Variants in MAGT1 observed in about 807,000 individuals in gnomAD.
MAGT1 encodes dolichyl-diphosphooligosaccharide--protein glycosyltransferase subunit MAGT1.
MAGT1 carries 4 observed loss-of-function variants against 28.4 expected under a neutral mutation model. The observed-to-expected ratio is 0.14, with a 90% CI of 0.07 to 0.32. MAGT1 has a LOEUF of 0.32. Ranked by LOEUF, MAGT1 falls within the 10% of genes least tolerant of loss-of-function variation. The pLI, the probability that MAGT1 is intolerant of heterozygous loss-of-function variation, is 1.00. For synonymous variants in MAGT1, 89 were observed against 89.7 expected (o/e 0.99, Z 0.04); for missense variants, 193 against 264.5 (o/e 0.73, Z 1.88).
rs899777986 is a variant in MAGT1, at chrX:77,828,336, C to G, written c.*884G>C. Reference sequence around the variant, plus strand: ...ATCCTCGCACTTTGGGAGACTGAGGCGGGCGGATCACTTGAGCCCAGGAGT... The same window carrying G: ...ATCCTCGCACTTTGGGAGACTGAGGGGGGCGGATCACTTGAGCCCAGGAGT... On this transcript the variant is annotated 3_prime_UTR_variant, in exon 10 of 10. Coordinates refer to ENST00000618282, the MANE Select transcript of MAGT1 (RefSeq NM_001367916.1). 9.2e-6 allele frequency: 1 copy of G among 109,137 alleles called. No individual in the cohort carries two copies. Among genetic ancestry groups the G allele is most frequent in the Non-Finnish European group, 1.9e-5 (1 of 52,589 alleles). The allele number at this position is 109,137 out of a possible 1,213,427, so 9.0% of individuals were successfully genotyped here.
At chrX:77,834,467 G>A (rs1484507113) in intron 8 of MAGT1, among the ~76,000 whole-genome samples, 1 of 107,440 alleles carries the variant, frequency 9.3e-6, no homozygotes, top group African/African-American at 3.4e-5. Flanking sequence ...CCAAGTAGCT[G>A]GGACTACAGG....
chrX:77,883,298 G>A (rs180783967), intron 1 of MAGT1, among the ~76,000 whole-genome samples: 17 of 104,257 alleles, frequency 1.6e-4, no homozygotes, highest in South Asian at 4.0e-4. Flanking sequence ...CCCATCTGCC[G>A]GCAGATCACG....
chrX:77,880,823 T>C (rs1204881201), intron 1 of MAGT1, among the ~76,000 whole-genome samples: 1 of 108,352 alleles, frequency 9.2e-6, no homozygotes, highest in Admixed American at 1.0e-4. Flanking sequence ...CTGGGCGTGG[T>C]GGCACATGTC....
chrX:77,888,270 C>T (rs782136589), intron 1 of MAGT1, among the ~76,000 whole-genome samples: 7 of 111,359 alleles, frequency 6.3e-5, no homozygotes, highest in African/African-American at 1.6e-4. Flanking sequence ...TTCTCCTTGG[C>T]GTACATTAGT....
intron 1 of MAGT1, among the ~76,000 whole-genome samples, chrX:77,891,326 C>CTATCTATCTATT (rs2077081853): frequency 9.6e-6 from 1 of 104,229 alleles, no homozygotes; most frequent in East Asian, 3.0e-4. Context: ...ATCTATCTAT[C>CTATCTATCTATT]TATCTATCTA....
At position 77,846,221 on chromosome X, in the gene MAGT1, G is replaced by A. The variant is rs782239659; in HGVS notation, c.827-4901C>T. ...CTGATACCCTTTCTTCCAGCTGATC[G>A]AATCGGCTACTGAGGCTTCTGCATT... On this transcript the variant is annotated intron_variant, in intron 7 of 9. Transcript: ENST00000618282. 6.3e-5 allele frequency among the ~76,000 whole-genome samples: 7 copies of A among 111,635 alleles called. No homozygotes were observed. In the East Asian group the frequency reaches 8.4e-4, roughly 13 times the overall value.
At chrX:77,833,430 T>A (rs1557213572) in intron 8 of MAGT1, among the ~76,000 whole-genome samples, 1 of 112,221 alleles carries the variant, frequency 8.9e-6, no homozygotes, top group African/African-American at 3.2e-5. Context: ...ATATCAATTT[T>A]GTTTCCAAAG....
rs1255034663 is a variant in MAGT1 at position 77,858,119 on chromosome X, T to C, written c.391-622A>G. On this transcript the variant is annotated intron_variant, in intron 3 of 9. Transcript: ENST00000618282. ...TATATCTTTTTTTATTTTTTTGAGATGGAGTCTCGCTCTGTCACCCAGACT... is the reference window on the plus strand; with the variant it reads ...TATATCTTTTTTTATTTTTTTGAGACGGAGTCTCGCTCTGTCACCCAGACT... 2.7e-5 allele frequency among the ~76,000 whole-genome samples: 3 copies of C among 112,018 alleles called. No individual in the cohort carries two copies. In the East Asian group the frequency reaches 8.4e-4, roughly 31 times the overall value.
Position 77,848,413 on chromosome X carries a change from T to A in MAGT1, c.826+5488A>T, listed in dbSNP as rs1334874166. On this transcript the variant is annotated intron_variant, in intron 7 of 9. Transcript: ENST00000618282. ...CACGCTTGTGGCCAAGACGGGTGGATCACCTAAGGTCAGGAGTTCGAGACC... is the reference window on the plus strand; with the variant it reads ...CACGCTTGTGGCCAAGACGGGTGGAACACCTAAGGTCAGGAGTTCGAGACC... Among the ~76,000 whole-genome samples the A allele has an allele frequency of 5.3e-5, 6 of 112,295 alleles. No individual in the cohort carries two copies. In the Admixed American group the frequency reaches 5.7e-4, roughly 11 times the overall value.
chrX:77,859,684 T>C (rs1269629354), intron 3 of MAGT1, among the ~76,000 whole-genome samples: 1 of 111,327 alleles, frequency 9.0e-6, no homozygotes, highest in Non-Finnish European at 1.9e-5. Context: ...TTGGCCAACA[T>C]GGTAAAACCC....
At chrX:77,888,962 C>G (rs1188767034) in intron 1 of MAGT1, among the ~76,000 whole-genome samples, 1 of 108,790 alleles carries the variant, frequency 9.2e-6, no homozygotes, top group African/African-American at 3.4e-5. Flanking sequence ...AAATACACAA[C>G]TACATTATAT....
At chrX:77,834,207 T>C (rs782164715) in intron 8 of MAGT1, among the ~76,000 whole-genome samples, 5 of 98,361 alleles carry the variant, frequency 5.1e-5, no homozygotes, top group East Asian at 3.1e-4. Context: ...TGCATATATA[T>C]ACATGTGTGT....
At chrX:77,872,246 T>C (rs2077022319) in intron 2 of MAGT1, among the ~76,000 whole-genome samples, 1 of 110,834 alleles carries the variant, frequency 9.0e-6, no homozygotes, top group Non-Finnish European at 1.9e-5. Flanking sequence ...TTTCACCATG[T>C]TGGCCAGGCT....
At chrX:77,861,412 G>A (rs1433101227) in intron 3 of MAGT1, among the ~76,000 whole-genome samples, 1 of 111,978 alleles carries the variant, frequency 8.9e-6, no homozygotes, top group Non-Finnish European at 1.9e-5. Context: ...GTGGTTGCGA[G>A]CATGTGGAGA....
In MAGT1 at chrX:77,857,475, G is replaced by C. The variant is rs2076984273; in HGVS notation, c.413C>G (p.Thr138Ser). 1.7e-6 allele frequency: 2 copies of C among 1,210,280 alleles called. No individual in the cohort carries two copies. The highest frequency in any genetic ancestry group is 1.8e-5 in the South Asian group (1 of 56,866). ...FQMLNMNSAP[T>S]FINFPAKGKP... ...CCCTTTTGCAGGAAAGTTGATGAAA[G>C]TTGGAGCTGAATTCATGTTTAGCTG... is the stretch of plus-strand genomic sequence containing the variant. The change falls in exon 4 of 10, where the codon ACT becomes AGT. Residue 138 changes from threonine to serine, a missense_variant. Coordinates refer to ENST00000618282, the MANE Select transcript of MAGT1 (RefSeq NM_001367916.1).
chrX:77,871,042 A>G (rs1230424100), intron 2 of MAGT1, 117 bp from the exon 3 acceptor site: 1 of 550,561 alleles, frequency 1.8e-6, no homozygotes, highest in African/African-American at 2.2e-5. Context: ...TGGGAGAAAT[A>G]ATAAAAAACA....
At chrX:77,842,389 G>A (rs910425232) in intron 7 of MAGT1, among the ~76,000 whole-genome samples, 1 of 109,706 alleles carries the variant, frequency 9.1e-6, no homozygotes, top group East Asian at 2.9e-4. Context: ...ACTAGACTGT[G>A]TCAAAAAAAA....
At chrX:77,874,425 G>A (rs1298126730) in intron 2 of MAGT1, among the ~76,000 whole-genome samples, 2 of 107,012 alleles carry the variant, frequency 1.9e-5, no homozygotes, top group African/African-American at 3.4e-5. Context: ...GTGAAACTCC[G>A]TCTCTACTAA....
At chrX:77,878,595 T>TG (rs1325382741) in intron 1 of MAGT1, among the ~76,000 whole-genome samples, 6 of 107,346 alleles carry the variant, frequency 5.6e-5, no homozygotes, top group African/African-American at 2.0e-4. Context: ...GAGATCAGCC[T>TG]GGCCAACATG....
Sources: gnomAD v4.1 joint callset for allele counts (sites outside exome capture counted in the v4.1 genomes callset) on GRCh38, gnomAD v4.1.1 for gene constraint, MANE v1.5 for transcripts, NCBI Gene and HGNC (gene_info 2026-07-23, HGNC 2026-07-21) for gene names.